The following ADCK1 variants were observed in gnomAD, a reference collection of about 807,000 sequenced individuals.
ADCK1 encodes the protein aarF domain containing kinase 1, also known as aarF domain-containing protein kinase 1.
ADCK1 carries 41 observed loss-of-function variants against 52.3 expected under a neutral mutation model. The observed-to-expected ratio is 0.78, with a 90% CI of 0.61 to 1.02. ADCK1 has a LOEUF of 1.02. Ranked by LOEUF, ADCK1 falls within the 50% of genes least tolerant of loss-of-function variation. The probability of loss-of-function intolerance (pLI) is 0.00; values close to 1 mark genes in which losing one functional copy is unlikely to be tolerated. For missense variants in ADCK1, 658 were observed against 679.5 expected, an observed-to-expected ratio of 0.97 and a Z score of 0.35; for synonymous variants, 250 against 274.6, an observed-to-expected ratio of 0.91 and a Z score of 0.89.
intron 1 of ADCK1, among the ~76,000 whole-genome samples, chr14:77,815,155 C>T (rs908551353): frequency 6.7e-6 from 1 of 150,226 alleles, no homozygotes; most frequent in South Asian, 2.1e-4. Flanking sequence ...CAAGCCTGGC[C>T]CAGGAATCTA....
chr14:77,919,368 C>T (rs1252327520), intron 7 of ADCK1, among the ~76,000 whole-genome samples: 1 of 152,248 alleles, frequency 6.6e-6, no homozygotes, highest in African/African-American at 2.4e-5. Context: ...AGTTACTTCA[C>T]TTAGAATAAT....
intron 4 of ADCK1, among the ~76,000 whole-genome samples, chr14:77,879,783 G>C (rs1172528071): frequency 6.6e-6 from 1 of 152,122 alleles, no homozygotes; most frequent in African/African-American, 2.4e-5. Context: ...CTCACTGATG[G>C]AAGCAGACTG....
intron 3 of ADCK1, among the ~76,000 whole-genome samples, chr14:77,857,140 G>T (rs1018288954): frequency 6.6e-6 from 1 of 151,996 alleles, no homozygotes. Flanking sequence ...GTTCAGGGCT[G>T]CAGCAGTCTC....
chr14:77,889,599 C>T (rs1438734391), intron 5 of ADCK1, among the ~76,000 whole-genome samples: 1 of 152,198 alleles, frequency 6.6e-6, no homozygotes, highest in Non-Finnish European at 1.5e-5. Context: ...CAGTATCCCT[C>T]AGTGTTGCCT....
chr14:77,857,823 A>G (rs988207134), intron 3 of ADCK1, among the ~76,000 whole-genome samples: 2 of 152,038 alleles, frequency 1.3e-5, no homozygotes, highest in African/African-American at 2.4e-5. Flanking sequence ...CTCGTGGTTC[A>G]CTCTCTTGGT....
At chr14:77,845,054 C>A (rs1004013645) in intron 3 of ADCK1, among the ~76,000 whole-genome samples, 1 of 152,216 alleles carries the variant, frequency 6.6e-6, no homozygotes, top group Admixed American at 6.5e-5. Context: ...TGAGGCCCAA[C>A]AAGCTGAGAT....
intron 5 of ADCK1, among the ~76,000 whole-genome samples, chr14:77,894,522 C>A (rs866254147): frequency 6.6e-6 from 1 of 151,934 alleles, no homozygotes; most frequent in Admixed American, 6.6e-5. Context: ...GCATAAAGAA[C>A]GAACAAGAAA....
intron 3 of ADCK1, among the ~76,000 whole-genome samples, chr14:77,845,101 G>T (rs962684162): frequency 6.6e-6 from 1 of 152,230 alleles, no homozygotes; most frequent in Non-Finnish European, 1.5e-5. Context: ...GGCAGTAATT[G>T]GCAGAATTGT....
At chr14:77,924,730 C>G (rs948314579) in intron 8 of ADCK1, 124 bp downstream of exon 8, 1 of 1,312,718 alleles carries the variant, frequency 7.6e-7, no homozygotes, top group Non-Finnish European at 1.0e-6. Context: ...TTCCCTCTCC[C>G]TTGGAGCTGT....
At chr14:77,809,868 C>G (rs2081302110) in intron 1 of ADCK1, among the ~76,000 whole-genome samples, 1 of 150,952 alleles carries the variant, frequency 6.6e-6, no homozygotes, top group Admixed American at 6.6e-5. Flanking sequence ...AACCTCTTCT[C>G]TAATAAAAAT....
intron 2 of ADCK1, among the ~76,000 whole-genome samples, chr14:77,820,357 G>T (rs1007691330): frequency 6.6e-6 from 1 of 151,534 alleles, no homozygotes; most frequent in African/African-American, 2.4e-5. Flanking sequence ...TTGAGACAGG[G>T]TCTTGCTCTG....
chr14:77,826,727 TGGAA>T lies in ADCK1; in HGVS notation c.219+4211_219+4214del, dbSNP rs370840943. On this transcript the variant is annotated intron_variant, in intron 3 of 10. Transcript: ENST00000238561. ...GTGGATATTTGTTAATTTTTCAGTTTGGAAGCCATTCTCATTTTGGGGAACAGCA... is the reference window on the plus strand; with the variant it reads ...GTGGATATTTGTTAATTTTTCAGTTTGCCATTCTCATTTTGGGGAACAGCA... 5.3e-4 allele frequency among the ~76,000 whole-genome samples: 81 copies of T among 152,346 alleles called. No homozygotes were observed. The South Asian group carries it at 0.016, about 29-fold the overall frequency.
intron 5 of ADCK1, among the ~76,000 whole-genome samples, chr14:77,891,205 G>C (rs974904024): frequency 6.6e-6 from 1 of 152,202 alleles, no homozygotes; most frequent in Non-Finnish European, 1.5e-5. Context: ...TGAAGGTTTG[G>C]AACAGCTACT....
chr14:77,806,268 G>C (rs1226999919), intron 1 of ADCK1, among the ~76,000 whole-genome samples: 1 of 151,972 alleles, frequency 6.6e-6, no homozygotes, highest in East Asian at 2.0e-4. Context: ...CTCTGAGCAA[G>C]AGGGATTAGT....
chr14:77,879,901 G>T (rs868089108), intron 4 of ADCK1, among the ~76,000 whole-genome samples: 13 of 152,222 alleles, frequency 8.5e-5, no homozygotes, highest in Middle Eastern at 3.4e-3. Context: ...GTTATTGGGG[G>T]GCTACTATAG....
At chr14:77,854,730 T>A (rs1041415808) in intron 3 of ADCK1, among the ~76,000 whole-genome samples, 2 of 152,114 alleles carry the variant, frequency 1.3e-5, no homozygotes, top group African/African-American at 4.8e-5. Flanking sequence ...CTAATTTTTT[T>A]ATATTTTTAG....
At chr14:77,865,474 C>A (rs1467451386) in intron 4 of ADCK1, among the ~76,000 whole-genome samples, 3 of 152,046 alleles carry the variant, frequency 2.0e-5, no homozygotes, top group African/African-American at 4.8e-5. Flanking sequence ...CAGAGTGACA[C>A]CCCGTATCAA....
At chr14:77,892,301 G>C (rs1173050100) in intron 5 of ADCK1, among the ~76,000 whole-genome samples, 1 of 152,192 alleles carries the variant, frequency 6.6e-6, no homozygotes, top group Admixed American at 6.5e-5. Flanking sequence ...AGGTCTACAG[G>C]GGTGAGACTT....
intron 6 of ADCK1, among the ~76,000 whole-genome samples, chr14:77,905,491 G>A (rs376626256): frequency 1.1e-4 from 16 of 151,736 alleles, no homozygotes; most frequent in Admixed American, 3.9e-4. Context: ...GAGCCACTGC[G>A]CCCAGCCCCT....
Sources: allele counts gnomAD v4.1 joint callset (sites outside exome capture counted in the v4.1 genomes callset), GRCh38; gene constraint gnomAD v4.1.1; transcripts MANE v1.5; gene names NCBI Gene and HGNC (gene_info 2026-07-23, HGNC 2026-07-21).